The following FOXN3 variants were observed in gnomAD, a reference collection of about 807,000 sequenced individuals.
FOXN3 encodes forkhead box protein N3.
In FOXN3, 7 loss-of-function variants were observed where a neutral mutation model predicts 38.4. The observed-to-expected ratio is 0.18, with a 90% CI of 0.10 to 0.34. FOXN3 has a LOEUF of 0.34. Among genes scored for constraint, FOXN3 ranks in the 10% least tolerant of loss-of-function variants. The pLI is 1.00. For synonymous variants in FOXN3, 230 were observed against 242.2 expected, an observed-to-expected ratio of 0.95 and a Z score of 0.47; for missense variants, 456 against 613.4, an observed-to-expected ratio of 0.74 and a Z score of 2.71.
intron 2 of FOXN3, among the ~76,000 whole-genome samples, chr14:89,394,212 CTTTTTT>C (rs35674375): frequency 1.8e-5 from 2 of 109,618 alleles, no homozygotes; most frequent in Admixed American, 1.9e-4. Flanking sequence ...GATCGACGTT[CTTTTTT>C]TTTTTTTTTT....
intron 2 of FOXN3, among the ~76,000 whole-genome samples, chr14:89,363,985 TA>T (rs1566969026): frequency 2.7e-4 from 25 of 93,452 alleles, no homozygotes; most frequent in African/African-American, 1.2e-3. Context: ...TATATATATA[TA>T]TAATATATAT....
rs79602030 is a variant in FOXN3, at chr14:89,411,423, G to A, written c.543+511C>T. Among the ~76,000 whole-genome samples the A allele has an allele frequency of 3.0e-3, 451 of 152,272 alleles. 10 individuals are homozygous for A. In the East Asian group the frequency reaches 0.066, roughly 22 times the overall value. ...ACTCATGTCTGTTTAGTCTGCGAGCGTAAGTATACTCAAGTCTCTTCTCAA... is the reference window on the plus strand; with the variant it reads ...ACTCATGTCTGTTTAGTCTGCGAGCATAAGTATACTCAAGTCTCTTCTCAA... On this transcript the variant is annotated intron_variant, in intron 2 of 5. Coordinates refer to ENST00000557258, the MANE Select transcript of FOXN3 (RefSeq NM_005197.4).
chr14:89,336,423 A>AAATG (rs1888463353), intron 3 of FOXN3, among the ~76,000 whole-genome samples: 1 of 152,214 alleles, frequency 6.6e-6, no homozygotes, highest in Non-Finnish European at 1.5e-5. Context: ...ATTCCTTTTT[A>AAATG]ACAAGTGATA....
At chr14:89,442,109 A>G (rs1892400246) in intron 1 of FOXN3, among the ~76,000 whole-genome samples, 1 of 151,998 alleles carries the variant, frequency 6.6e-6, no homozygotes, top group African/African-American at 2.4e-5. Flanking sequence ...TATTTTTAGT[A>G]GAGATGGAGT....
chr14:89,393,296 C>G (rs1210292874), intron 2 of FOXN3, among the ~76,000 whole-genome samples: 1 of 152,168 alleles, frequency 6.6e-6, no homozygotes, highest in East Asian at 1.9e-4. Flanking sequence ...CCACCCTGAT[C>G]CAGTGTGACC....
intron 1 of FOXN3, among the ~76,000 whole-genome samples, chr14:89,613,510 C>A (rs764007196): frequency 5.9e-5 from 9 of 152,168 alleles, no homozygotes; most frequent in Non-Finnish European, 1.3e-4. Flanking sequence ...AAGCGTCAGT[C>A]AACACAATTC....
intron 1 of FOXN3, among the ~76,000 whole-genome samples, chr14:89,531,783 C>A (rs565858065): frequency 4.4e-4 from 65 of 146,190 alleles, no homozygotes; most frequent in African/African-American, 1.5e-3. Flanking sequence ...TTAGCAAAGA[C>A]TTAAACGCCA....
intron 4 of FOXN3, among the ~76,000 whole-genome samples, chr14:89,256,708 T>C (rs889858272): frequency 3.7e-4 from 56 of 152,340 alleles, no homozygotes; most frequent in African/African-American, 1.3e-3. Flanking sequence ...AGGATGTGCA[T>C]TATTGAGTTT....
In FOXN3 at chr14:89,411,056, C is replaced by T. The variant is rs576140437; in HGVS notation, c.543+878G>A. Among the ~76,000 whole-genome samples, 90 of 152,304 alleles carry T rather than the reference C, an allele frequency of 5.9e-4. No homozygotes were observed. In the South Asian group the frequency reaches 0.018, roughly 30 times the overall value. On this transcript the variant is annotated intron_variant, in intron 2 of 5. Coordinates refer to ENST00000557258, the MANE Select transcript of FOXN3 (RefSeq NM_005197.4). ...ACGGGGCTGCACAGCAGGAGGTCAG[C>T]ATTGCCACCTGAGCTCCACCTCCTG...
At chr14:89,492,345 A>T (rs1051534012) in intron 1 of FOXN3, among the ~76,000 whole-genome samples, 1 of 61,410 alleles carries the variant, frequency 1.6e-5, no homozygotes, top group South Asian at 7.8e-4. Context: ...CTGCCCTCCC[A>T]CCCACCCCAA....
At chr14:89,374,266 A>T (rs1890406453) in intron 2 of FOXN3, among the ~76,000 whole-genome samples, 1 of 133,550 alleles carries the variant, frequency 7.5e-6, no homozygotes, top group Admixed American at 7.1e-5. Flanking sequence ...CTTGTCTCAA[A>T]AAAAAAAAAA....
At chr14:89,456,277 C>T (rs949109683) in intron 1 of FOXN3, among the ~76,000 whole-genome samples, 5 of 151,310 alleles carry the variant, frequency 3.3e-5, no homozygotes, top group African/African-American at 7.3e-5. Flanking sequence ...GTTTGGCCAA[C>T]GTGCCCCTAC....
chr14:89,343,034 T>C (rs951273154), intron 3 of FOXN3, among the ~76,000 whole-genome samples: 1 of 152,332 alleles, frequency 6.6e-6, no homozygotes, highest in African/African-American at 2.4e-5. Flanking sequence ...ACAATTAAAG[T>C]CCTTCAATGT....
intron 4 of FOXN3, among the ~76,000 whole-genome samples, 197 bp from the exon 5 acceptor site, chr14:89,181,003 C>T (rs917321310): frequency 2.0e-5 from 3 of 151,258 alleles, no homozygotes; most frequent in Admixed American, 6.6e-5. Context: ...CACACTCACA[C>T]AGTCATGCAC....
In FOXN3 at chr14:89,372,720, TAA is replaced by T. The variant is rs5810458; in HGVS notation, c.544-21914_544-21913del. ...AAAAACTATGCGCTGTCTCATGGGG[TAA>T]AAAAAAAAAAAATCTCCAGCAAACC... On this transcript the variant is annotated intron_variant, in intron 2 of 5. Coordinates refer to ENST00000557258, the MANE Select transcript of FOXN3 (RefSeq NM_005197.4). Among the ~76,000 whole-genome samples, 189 of 144,040 alleles carry T rather than the reference TAA, an allele frequency of 1.3e-3. 1 individual carries two copies. The East Asian group carries it at 0.013, about 10-fold the overall frequency. 94.5% of individuals were successfully genotyped at this position (144,040 alleles called of 152,430 possible).
At chr14:89,454,552 G>C (rs1319634321) in intron 1 of FOXN3, among the ~76,000 whole-genome samples, 1 of 152,170 alleles carries the variant, frequency 6.6e-6, no homozygotes, top group Non-Finnish European at 1.5e-5. Flanking sequence ...TTGTAACAGA[G>C]AAAAACTGGA....
Position 89,514,258 on chromosome 14 carries a change from C to T in FOXN3, c.-14-101768G>A, listed in dbSNP as rs141291370. On this transcript the variant is annotated intron_variant, in intron 1 of 6. Transcript: ENST00000345097. ...CACAGGGCCAGAACAATGGAACAATCTTCTTGCCCCAGTCATGCTTCTGGG... is the reference window on the plus strand; with the variant it reads ...CACAGGGCCAGAACAATGGAACAATTTTCTTGCCCCAGTCATGCTTCTGGG... Among the ~76,000 whole-genome samples the T allele has an allele frequency of 4.1e-3, 617 of 152,310 alleles. 6 individuals carry two copies. The highest frequency in any genetic ancestry group is 0.014 in the African/African-American group (585 of 41,564).
intron 1 of FOXN3, among the ~76,000 whole-genome samples, chr14:89,444,875 C>G (rs28647859): frequency 1.3e-5 from 2 of 152,128 alleles, no homozygotes; most frequent in Admixed American, 1.3e-4. Flanking sequence ...AGTCCCGGCA[C>G]TTTGGGAGGC....
chr14:89,517,911 C>T (rs543518675), intron 1 of FOXN3, among the ~76,000 whole-genome samples: 3 of 152,290 alleles, frequency 2.0e-5, no homozygotes, highest in South Asian at 2.1e-4. Flanking sequence ...AAGGCTGAAA[C>T]GTGTTAGAGC....
Sources: gnomAD v4.1 joint callset for allele counts (sites outside exome capture counted in the v4.1 genomes callset) on GRCh38, gnomAD v4.1.1 for gene constraint, MANE v1.5 for transcripts, NCBI Gene and HGNC (gene_info 2026-07-23, HGNC 2026-07-21) for gene names.